Variants in ZMYM1 observed in about 807,000 individuals in gnomAD.
ZMYM1 encodes the protein zinc finger MYM-type protein 1.
In ZMYM1, 39 loss-of-function variants were observed where a neutral mutation model predicts 60.0. That is an observed-to-expected ratio of 0.65 (90% CI 0.50 to 0.85). The LOEUF is 0.85. Among genes scored for constraint, ZMYM1 ranks in the 40% least tolerant of loss-of-function variants. The probability of loss-of-function intolerance (pLI) is 0.00; values close to 1 mark genes in which losing one functional copy is unlikely to be tolerated. For missense variants in ZMYM1, 1,171 were observed against 1,309.5 expected (o/e 0.89, Z 1.63); for synonymous variants, 413 against 454.0 (o/e 0.91, Z 1.15).
Position 35,114,813 on chromosome 1 carries a change from T to A in ZMYM1, c.2983T>A (p.Ser995Thr). 3 of 1,606,080 alleles carry A rather than the reference T, an allele frequency of 1.9e-6. No individual in the cohort carries two copies. The highest frequency in any genetic ancestry group is 2.2e-5 in the South Asian group (2 of 88,908). The change falls in exon 10 of 10, where the codon TCA (serine) becomes ACA (threonine). Residue 995 changes from serine to threonine, a missense_variant. Coordinates refer to ENST00000359858, the MANE Select transcript of ZMYM1 (RefSeq NM_024772.5). ...TGATTATTGCAAAATAAAGCAAATT[T>A]CAGAACTGTTATTTAAATGGAATGA... Reference protein sequence around the residue: ...EFDYCKIKQISELLFKWNEPL... With the variant: ...EFDYCKIKQITELLFKWNEPL...
intron 1 of ZMYM1, among the ~76,000 whole-genome samples, chr1:35,091,887 CAAAAAAAAA>C (rs779081046): frequency 1.2e-5 from 1 of 84,532 alleles, no homozygotes; most frequent in Non-Finnish European, 2.1e-5. Flanking sequence ...GATCTTGTCT[CAAAAAAAAA>C]AAAAAAAAAA....
intron 6 of ZMYM1, among the ~76,000 whole-genome samples, chr1:35,108,189 T>C (rs1234046909): frequency 6.6e-6 from 1 of 152,220 alleles, no homozygotes; most frequent in East Asian, 1.9e-4. Flanking sequence ...TGTTAAGATT[T>C]CTCAAAATAT....
chr1:35,110,364 C>T lies in ZMYM1; in HGVS notation c.878C>T (p.Thr293Met), dbSNP rs190068364. The change falls in exon 7 of 10, where the codon ACG (threonine) becomes ATG (methionine). Residue 293 changes from threonine (T) to methionine (M), a missense_variant. Transcript: ENST00000359858. ...CCCTCAGATGAAATGATTGAGACTA[C>T]GAGTGATTTGGGGAAGACAGAGCTT... ...LKPSDEMIET[T>M]SDLGKTELFC... 2.0e-5 allele frequency: 32 copies of T among 1,596,332 alleles called. No individual in the cohort carries two copies. Among genetic ancestry groups the T allele is most frequent in the Admixed American group, 5.3e-5 (3 of 57,140 alleles).
intron 1 of ZMYM1, among the ~76,000 whole-genome samples, chr1:35,063,384 C>G (rs2148474347): frequency 6.6e-6 from 1 of 152,182 alleles, no homozygotes; most frequent in Non-Finnish European, 1.5e-5. Context: ...CCTGGCTCAC[C>G]ACAGCCTCAG....
Position 35,104,544 on chromosome 1 carries a change from T to A in ZMYM1, c.595-13T>A. ...TATCAGAGTTTTTACTGAATCTTTT[T>A]ATTAAATCCTAGATTCAGTATGAAG... On this transcript the variant is annotated splice_polypyrimidine_tract_variant and intron_variant, in intron 5 of 9. Coordinates refer to ENST00000359858, the MANE Select transcript of ZMYM1 (RefSeq NM_024772.5). 1 of 1,613,072 alleles carries A rather than the reference T, an allele frequency of 6.2e-7. No homozygotes were observed. The highest frequency in any genetic ancestry group is 8.5e-7 in the Non-Finnish European group (1 of 1,179,162).
intron 1 of ZMYM1, among the ~76,000 whole-genome samples, chr1:35,070,464 G>C (rs1192504335): frequency 6.6e-6 from 1 of 151,878 alleles, no homozygotes; most frequent in Non-Finnish European, 1.5e-5. Context: ...TTTGTTTATT[G>C]GTTCTAACAG....
rs1644092215 is a variant in ZMYM1 at position 35,111,718 on chromosome 1, C to A, written c.962-54C>A. 1.1e-5 allele frequency: 17 copies of A among 1,499,774 alleles called. No individual in the cohort carries two copies. In the South Asian group the frequency reaches 2.4e-4, roughly 21 times the overall value. 92.9% of individuals were successfully genotyped at this position (1,499,774 alleles called of 1,614,324 possible). ...CTTTAAACAGTATTACTAAACAGTA[C>A]TTTCTGATGATTGATTTTGCCTTGT... On this transcript the variant is annotated intron_variant, in intron 7 of 9. Coordinates refer to ENST00000359858, the MANE Select transcript of ZMYM1 (RefSeq NM_024772.5).
intron 6 of ZMYM1, among the ~76,000 whole-genome samples, chr1:35,109,278 C>T (rs899503113): frequency 3.3e-5 from 5 of 152,078 alleles, no homozygotes; most frequent in South Asian, 4.2e-4. Flanking sequence ...GTGATCCCCC[C>T]GCCTCAACCT....
At chr1:35,107,727 A>G (rs1232493041) in intron 6 of ZMYM1, among the ~76,000 whole-genome samples, 2 of 151,944 alleles carry the variant, frequency 1.3e-5, no homozygotes, top group African/African-American at 4.9e-5. Flanking sequence ...GGATTATTAG[A>G]TGTAATTGTA....
At chr1:35,075,923 C>A (rs1243597323), upstream of ZMYM1, among the ~76,000 whole-genome samples, 1 of 152,096 alleles carries the variant, frequency 6.6e-6, no homozygotes, top group Non-Finnish European at 1.5e-5. Flanking sequence ...AACCAATCAC[C>A]CAATTCCCCA....
intron 1 of ZMYM1, among the ~76,000 whole-genome samples, chr1:35,084,833 C>G (rs1364597718): frequency 6.6e-6 from 1 of 152,066 alleles, no homozygotes; most frequent in African/African-American, 2.4e-5. Flanking sequence ...TAGTTCCCTC[C>G]TCTCCCAGAT....
chr1:35,114,439 G>C lies in ZMYM1; in HGVS notation c.2609G>C (p.Ser870Thr), dbSNP rs1644201481. The change falls in exon 10 of 10, where the codon AGT (serine) becomes ACT (threonine). Residue 870 changes from serine to threonine, a missense_variant. Physicochemically the swap from Ser to Thr is moderately conservative, Grantham distance 58. Transcript: ENST00000359858. ...FCLKFLYRVLSVTGILSKELQ... is the reference protein window; with the variant it reads ...FCLKFLYRVLTVTGILSKELQ... ...TTGAAATTCCTGTATCGAGTGCTGA[G>C]TGTTACAGGAATTCTTTCCAAAGAG... 1 of 1,613,392 alleles carries C rather than the reference G, an allele frequency of 6.2e-7. No homozygotes were observed. The highest frequency in any genetic ancestry group is 8.5e-7 in the Non-Finnish European group (1 of 1,179,760).
intron 1 of ZMYM1, among the ~76,000 whole-genome samples, chr1:35,090,212 G>C (rs1416104138): frequency 1.3e-5 from 2 of 151,892 alleles, no homozygotes; most frequent in Non-Finnish European, 2.9e-5. Flanking sequence ...GGCCTATAAG[G>C]CTCTTTTTTA....
Position 35,114,486 on chromosome 1 carries a change from A to G in ZMYM1, c.2656A>G (p.Ile886Val). 1 of 1,612,256 alleles carries G rather than the reference A, an allele frequency of 6.2e-7. No individual in the cohort carries two copies. The highest frequency in any genetic ancestry group is 8.5e-7 in the Non-Finnish European group (1 of 1,179,030). Residue 886 changes from isoleucine to valine, a missense_variant, in exon 10 of 10, where the codon ATT (isoleucine) becomes GTT (valine). Ile to Val is a conservative substitution (Grantham distance 29). Coordinates refer to ENST00000359858, the MANE Select transcript of ZMYM1 (RefSeq NM_024772.5). ...SKELQNKTID[I>V]FSLSSKIEAI... ...AGAGCTTCAAAATAAAACCATAGAC[A>G]TTTTTTCTTTGTCTTCAAAAATAGA...
rs72906963 is a variant in ZMYM1 at position 35,108,242 on chromosome 1, G to A, written c.808-2052G>A. ...ATAAAGGATAAAAATAGAAATTTTC[G>A]AAATTATCCTTTTTGTTTTGTTGTG... On this transcript the variant is annotated intron_variant, in intron 6 of 9. Transcript: ENST00000359858. Among the ~76,000 whole-genome samples the A allele has an allele frequency of 3.6e-3, 552 of 152,252 alleles. 2 individuals carry two copies. Among genetic ancestry groups the A allele is most frequent in the Non-Finnish European group, 5.2e-3 (352 of 68,016 alleles).
intron 1 of ZMYM1, among the ~76,000 whole-genome samples, chr1:35,091,643 G>C (rs114178172): frequency 0.015 from 2,322 of 151,726 alleles, 56 homozygotes; most frequent in African/African-American, 0.051. Context: ...ACCTGTCGTT[G>C]AAGCACTTTG....
intron 3 of ZMYM1, 41 bp from the exon 4 acceptor site, chr1:35,097,276 G>A: frequency 1.9e-6 from 3 of 1,543,500 alleles, no homozygotes; most frequent in South Asian, 1.3e-5. Context: ...TTAATTTTGT[G>A]TAAATAACAA....
intron 4 of ZMYM1, 69 bp from the exon 5 acceptor site, chr1:35,104,225 AT>A: frequency 1.5e-6 from 2 of 1,331,294 alleles, no homozygotes; most frequent in Non-Finnish European, 2.0e-6. Flanking sequence ...TTGAGAGGTC[AT>A]TTCATTTATA....
intron 1 of ZMYM1, among the ~76,000 whole-genome samples, chr1:35,091,621 G>A (rs528945599): frequency 2.6e-5 from 4 of 152,086 alleles, no homozygotes; most frequent in East Asian, 3.9e-4. Context: ...CATAGGCTGG[G>A]AGCAGATGGA....
Sources: gnomAD v4.1 joint callset for allele counts (sites outside exome capture counted in the v4.1 genomes callset) on GRCh38, gnomAD v4.1.1 for gene constraint, MANE v1.5 for transcripts, NCBI Gene and HGNC (gene_info 2026-07-23, HGNC 2026-07-21) for gene names.